MOB3A: variants seen among roughly 807,000 people sequenced by gnomAD.
MOB3A encodes the protein MOB kinase activator 3A, also known as MOB LAK.
Under a neutral mutation model 17.8 loss-of-function variants are expected in MOB3A, and 17 were observed. That is an observed-to-expected ratio of 0.95 (90% CI 0.65 to 1.43). The LOEUF is 1.43. Ranked by LOEUF, MOB3A falls within the 40% of genes most tolerant of loss-of-function variation. MOB3A has a pLI of 0.00. For missense variants in MOB3A, 333 were observed against 310.8 expected, an observed-to-expected ratio of 1.07 and a Z score of -0.54; for synonymous variants, 124 against 133.2, an observed-to-expected ratio of 0.93 and a Z score of 0.48.
upstream of MOB3A, chr19:2,096,446 C>A (rs1568260561): frequency 6.3e-6 from 1 of 157,640 alleles, no homozygotes; most frequent in African/African-American, 2.4e-5. Flanking sequence ...CTCGGTCCCG[C>A]GGGCTTTAAG....
Position 2,078,784 on chromosome 19 carries a change from G to A in MOB3A, c.-119-105C>T. On this transcript the variant is annotated intron_variant, in intron 2 of 4. Coordinates refer to ENST00000357066, the MANE Select transcript of MOB3A (RefSeq NM_130807.3). ...GATTTTGTTTTGTTTTTTGAGACAG[G>A]GTCTTACTCTGTTGCCCCGGCTGGA... 9.5e-6 allele frequency: 5 copies of A among 523,706 alleles called. No individual in the cohort carries two copies. In the South Asian group the frequency reaches 1.4e-4, roughly 15 times the overall value. The allele number at this position is 523,706 out of a possible 1,614,324, so 32.4% of individuals were successfully genotyped here.
At chr19:2,092,764 A>C (rs1327754813) in intron 1 of MOB3A, among the ~76,000 whole-genome samples, 1 of 151,376 alleles carries the variant, frequency 6.6e-6, no homozygotes, top group Non-Finnish European at 1.5e-5. Flanking sequence ...AAAAAAAAAA[A>C]AAAAAAAAAA....
intron 1 of MOB3A, among the ~76,000 whole-genome samples, chr19:2,085,926 T>G (rs532355047): frequency 8.7e-6 from 1 of 115,586 alleles, no homozygotes; most frequent in East Asian, 2.8e-4. Context: ...ATTGTGCCAC[T>G]GCACTCCAGC....
In MOB3A at chr19:2,072,068, G is replaced by C. The variant is rs894829099; in HGVS notation, c.*1327C>G. 2.4e-4 allele frequency: 36 copies of C among 152,112 alleles called. No individual in the cohort carries two copies. The highest frequency in any genetic ancestry group is 7.5e-4 in the African/African-American group (31 of 41,392). 9.4% of individuals were successfully genotyped at this position (152,112 alleles called of 1,614,324 possible). Reference sequence around the variant, plus strand: ...ACGGTGGGTGCCTGTAGTCCCAGCTGCTGGGGAGGCTGAGGCAGGAGAATG... The same window carrying C: ...ACGGTGGGTGCCTGTAGTCCCAGCTCCTGGGGAGGCTGAGGCAGGAGAATG... On this transcript the variant is annotated 3_prime_UTR_variant, in exon 5 of 5. Transcript: ENST00000357066.
Position 2,078,188 on chromosome 19 carries a change from AGTCCATCAGCAG to A in MOB3A, c.361_372del (p.Leu121_Asp124del), listed in dbSNP as rs1450651232. On this transcript the variant is annotated inframe_deletion, in exon 3 of 5. Transcript: ENST00000357066. ...TCGTTGTTGATCTGCGCCTCGATCC[AGTCCATCAGCAG>A]GTCCATGTACCTGGGCGCGGAGAGT... 1 of 1,603,380 alleles carries A rather than the reference AGTCCATCAGCAG, an allele frequency of 6.2e-7. No homozygotes were observed.
In MOB3A at chr19:2,076,855, C is replaced by G; in HGVS notation, c.580G>C (p.Val194Leu). The change falls in exon 4 of 5, where the codon GTC becomes CTC. Residue 194 changes from valine (V) to leucine (L), a missense_variant. Coordinates refer to ENST00000357066, the MANE Select transcript of MOB3A (RefSeq NM_130807.3). ...NTCYKHFYYF[V>L]KEFGLIDTKE... Reference sequence around the variant, plus strand: ...GTGTCGATGAGGCCGAACTCCTTGACGAAATAGTAGAAGTGCTTGTAGCAG... The same window carrying G: ...GTGTCGATGAGGCCGAACTCCTTGAGGAAATAGTAGAAGTGCTTGTAGCAG... The G allele has an allele frequency of 1.2e-6, 2 of 1,614,038 alleles. No individual in the cohort carries two copies. The highest frequency in any genetic ancestry group is 1.7e-6 in the Non-Finnish European group (2 of 1,180,028).
At chr19:2,077,035 G>A (rs770536200) in intron 3 of MOB3A, 22 bp from the exon 4 acceptor site, 28 of 1,602,296 alleles carry the variant, frequency 1.7e-5, no homozygotes, top group African/African-American at 9.4e-5. Context: ...GGGGTGGGAC[G>A]GGTCCACGGA....
At chr19:2,089,367 C>T (rs1360539796) in intron 1 of MOB3A, among the ~76,000 whole-genome samples, 2 of 152,156 alleles carry the variant, frequency 1.3e-5, no homozygotes, top group African/African-American at 2.4e-5. Context: ...ACTAGGGCAG[C>T]GTTTCCACTC....
chr19:2,076,492 C>T (rs2017410345), intron 4 of MOB3A, among the ~76,000 whole-genome samples: 1 of 152,220 alleles, frequency 6.6e-6, no homozygotes, highest in Non-Finnish European at 1.5e-5. Flanking sequence ...TGCCGGCTCG[C>T]ATCCCTTTCA....
rs766935259 is a variant in MOB3A at position 2,078,412 on chromosome 19, T to C, written c.149A>G (p.Gln50Arg). Residue 50 changes from glutamine to arginine, a missense_variant, in exon 3 of 5, where the codon CAG (glutamine) becomes CGG (arginine). Coordinates refer to ENST00000357066, the MANE Select transcript of MOB3A (RefSeq NM_130807.3). ...GTTCAGGTCCTCGCCCGGGGGCAACTGCACGGCCAGCCGCAGGTCCAGCCC... is the reference window on the plus strand; with the variant it reads ...GTTCAGGTCCTCGCCCGGGGGCAACCGCACGGCCAGCCGCAGGTCCAGCCC... ...NAGLDLRLAV[Q>R]LPPGEDLNDW... 67 of 1,613,466 alleles carry C rather than the reference T, an allele frequency of 4.2e-5. 4 individuals carry two copies. Among genetic ancestry groups the C allele is most frequent in the Non-Finnish European group, 3.4e-6 (4 of 1,179,778 alleles).
chr19:2,075,268 G>A (rs780270430), intron 4 of MOB3A, among the ~76,000 whole-genome samples: 1 of 152,128 alleles, frequency 6.6e-6, no homozygotes, highest in Non-Finnish European at 1.5e-5. Flanking sequence ...GAGCTCGAGT[G>A]ATTCTCCCTC....
chr19:2,086,163 C>A (rs1385981278), intron 1 of MOB3A, among the ~76,000 whole-genome samples: 1 of 151,056 alleles, frequency 6.6e-6, no homozygotes, highest in Non-Finnish European at 1.5e-5. Flanking sequence ...GCCTCAGCCT[C>A]CCAAGTAACA....
chr19:2,083,450 G>A (rs532871929), intron 2 of MOB3A, among the ~76,000 whole-genome samples: 4 of 152,348 alleles, frequency 2.6e-5, no homozygotes, highest in South Asian at 4.1e-4. Flanking sequence ...CTCAGGAGAA[G>A]GGAAAATGCC....
chr19:2,076,153 G>T (rs2017403405), intron 4 of MOB3A, among the ~76,000 whole-genome samples: 1 of 148,400 alleles, frequency 6.7e-6, no homozygotes, highest in African/African-American at 2.5e-5. Context: ...AAAAGGCCAG[G>T]CACAGTGGCT....
intron 1 of MOB3A, among the ~76,000 whole-genome samples, chr19:2,092,127 G>T: frequency 7.0e-6 from 1 of 142,860 alleles, no homozygotes; most frequent in Non-Finnish European, 1.5e-5. Context: ...TTGAGATGAG[G>T]TTTCGCTCTA....
Position 2,071,143 on chromosome 19 carries a change from C to T in MOB3A, c.*2252G>A, listed in dbSNP as rs1243333380. On this transcript the variant is annotated 3_prime_UTR_variant, in exon 5 of 5. Transcript: ENST00000357066. ...GGACAGAGATGGTCCCTGCTCCCAC[C>T]TCCCCGAGCCCACCTGGGAAGCTGC... is the stretch of plus-strand genomic sequence containing the variant. 1 of 152,160 alleles carries T rather than the reference C, an allele frequency of 6.6e-6. No individual in the cohort carries two copies. Among genetic ancestry groups the T allele is most frequent in the African/African-American group, 2.4e-5 (1 of 41,424 alleles). 9.4% of individuals were successfully genotyped at this position (152,160 alleles called of 1,614,324 possible).
At chr19:2,084,353 G>A (rs2017526641) in intron 2 of MOB3A, among the ~76,000 whole-genome samples, 1 of 151,582 alleles carries the variant, frequency 6.6e-6, no homozygotes, top group Non-Finnish European at 1.5e-5. Context: ...AACTAGCCGG[G>A]TGTGGTGGCA....
intron 2 of MOB3A, among the ~76,000 whole-genome samples, chr19:2,080,566 C>T (rs751884838): frequency 1.1e-4 from 16 of 151,960 alleles, no homozygotes; most frequent in African/African-American, 3.4e-4. Flanking sequence ...TTAGTAGAGA[C>T]GGGTTTTACC....
chr19:2,081,873 G>A (rs1371404103), intron 2 of MOB3A, among the ~76,000 whole-genome samples: 1 of 152,190 alleles, frequency 6.6e-6, no homozygotes, highest in Non-Finnish European at 1.5e-5. Flanking sequence ...GAGAGAGCAA[G>A]ACTCTGTCTC....
Sources: gnomAD v4.1 joint callset for allele counts (sites outside exome capture counted in the v4.1 genomes callset) on GRCh38, gnomAD v4.1.1 for gene constraint, MANE v1.5 for transcripts, NCBI Gene and HGNC (gene_info 2026-07-23, HGNC 2026-07-21) for gene names.